RNF130: variants seen among roughly 807,000 people sequenced by gnomAD.
RNF130 encodes E3 ubiquitin-protein ligase RNF130.
A neutral mutation model predicts 44.6 loss-of-function variants in RNF130; 21 were observed. The observed-to-expected ratio is 0.47, with a 90% CI of 0.33 to 0.68. RNF130 has a LOEUF of 0.68. Among genes scored for constraint, RNF130 ranks in the 30% least tolerant of loss-of-function variants. RNF130 has a pLI of 0.02. For missense variants in RNF130, 479 were observed against 560.6 expected (o/e 0.85, Z 1.47); for synonymous variants, 214 against 210.4 (o/e 1.02, Z -0.15).
At chr5:179,933,838 GT>G in intron 7 of RNF130, 2 of 790,594 alleles carry the variant, frequency 2.5e-6, no homozygotes, top group South Asian at 2.7e-5. Context: ...TCCCTCCTGT[GT>G]GTTTTTGTCT....
chr5:180,068,944 T>C (rs1765178066), intron 1 of RNF130, among the ~76,000 whole-genome samples: 1 of 152,196 alleles, frequency 6.6e-6, no homozygotes, highest in Non-Finnish European at 1.5e-5. Flanking sequence ...CAATTCAAAA[T>C]TATAAGAGCA....
intron 7 of RNF130, among the ~76,000 whole-genome samples, chr5:179,945,568 G>C (rs1762025185): frequency 6.6e-6 from 1 of 152,160 alleles, no homozygotes; most frequent in South Asian, 2.1e-4. Flanking sequence ...AGAAAACAGA[G>C]GCTGGGAGAG....
At chr5:179,962,375 G>A (rs1035946171) in intron 8 of RNF130, among the ~76,000 whole-genome samples, 2 of 152,190 alleles carry the variant, frequency 1.3e-5, no homozygotes, top group African/African-American at 4.8e-5. Context: ...GTCAATTACA[G>A]TTTCTATAGC....
At chr5:179,933,807 A>G in intron 7 of RNF130, 1 of 681,250 alleles carries the variant, frequency 1.5e-6, no homozygotes. Flanking sequence ...TTACATCACT[A>G]GATAAAGAAT....
At chr5:180,006,357 T>C (rs918777320) in intron 3 of RNF130, among the ~76,000 whole-genome samples, 15 of 152,224 alleles carry the variant, frequency 9.9e-5, no homozygotes, top group African/African-American at 3.4e-4. Context: ...TGCAAAGTTT[T>C]AACCTTTCTC....
At chr5:179,954,853 C>T (rs1205904354), downstream of RNF130, among the ~76,000 whole-genome samples, 1 of 152,248 alleles carries the variant, frequency 6.6e-6, no homozygotes, top group Non-Finnish European at 1.5e-5. Flanking sequence ...CTGCTGCAAA[C>T]ATTTACAAAT....
chr5:180,031,591 C>G (rs1051782541), intron 2 of RNF130, among the ~76,000 whole-genome samples: 5 of 152,180 alleles, frequency 3.3e-5, no homozygotes, highest in Non-Finnish European at 7.3e-5. Flanking sequence ...CAAGGGCCAA[C>G]TGTAATTGCT....
chr5:180,002,928 A>G (rs936354670), intron 3 of RNF130, among the ~76,000 whole-genome samples: 6 of 151,912 alleles, frequency 3.9e-5, no homozygotes, highest in African/African-American at 1.5e-4. Flanking sequence ...GGTTGTTATT[A>G]TTATTATTAT....
chr5:180,027,133 C>T (rs780675191), intron 2 of RNF130, among the ~76,000 whole-genome samples: 3 of 152,076 alleles, frequency 2.0e-5, no homozygotes, highest in Admixed American at 6.5e-5. Context: ...GCAAAACTGG[C>T]ACAGGAGCAG....
intron 7 of RNF130, among the ~76,000 whole-genome samples, chr5:179,932,156 TC>T (rs1761818947): frequency 3.3e-5 from 5 of 152,232 alleles, no homozygotes; most frequent in Admixed American, 3.3e-4. Flanking sequence ...TATAGGGTGT[TC>T]CTTCAGAAGC....
At chr5:180,006,640 T>C (rs1763468389) in intron 3 of RNF130, among the ~76,000 whole-genome samples, 1 of 152,238 alleles carries the variant, frequency 6.6e-6, no homozygotes, top group Non-Finnish European at 1.5e-5. Flanking sequence ...CAGAATATTT[T>C]ACATCTGCCC....
rs1303512917 is a variant in RNF130 at position 180,071,531 on chromosome 5, G to A, written c.172C>T (p.Arg58Cys). The A allele has an allele frequency of 1.4e-6, 2 of 1,382,922 alleles. No individual in the cohort carries two copies. The highest frequency in any genetic ancestry group is 1.9e-6 in the Non-Finnish European group (2 of 1,059,874). The allele number at this position is 1,382,922 out of a possible 1,614,324, so 85.7% of individuals were successfully genotyped here. ...RGAPLTFRID[R>C]GRYGLDSPKA... ...GGGGAGTCAAGCCCGTAGCGCCCGC[G>A]GTCGATGCGAAACGTGAGCGGGGCG... Residue 58 changes from arginine to cysteine, a missense_variant, in exon 1 of 9, where the codon CGC becomes TGC. By Grantham distance (180) the Arg-to-Cys change is radical (BLOSUM62 -3). Transcript: ENST00000521389.
At position 179,977,613 on chromosome 5, in the gene RNF130, G is replaced by A. The variant is rs1762743250; in HGVS notation, c.848+590C>T. On this transcript the variant is annotated intron_variant, in intron 5 of 8. Transcript: ENST00000521389. This position sits in a 1 kb window ranked among gnomAD's most constrained non-coding sequence, Gnocchi z 4.1. ...CACGCCTGTAATCCCAGGACTTTGG[G>A]AGGCTGAGGCAGGCAGATCACCTGA... Among the ~76,000 whole-genome samples the A allele has an allele frequency of 6.6e-6, 1 of 152,194 alleles. No individual in the cohort carries two copies. The highest frequency in any genetic ancestry group is 2.4e-5 in the African/African-American group (1 of 41,452).
At chr5:180,024,239 A>G (rs1445520133) in intron 2 of RNF130, among the ~76,000 whole-genome samples, 3 of 152,200 alleles carry the variant, frequency 2.0e-5, no homozygotes, top group Non-Finnish European at 4.4e-5. Context: ...GTGGGATCCT[A>G]GAACAGAAAA....
chr5:180,067,246 T>A (rs907365982), intron 1 of RNF130, among the ~76,000 whole-genome samples: 8 of 152,200 alleles, frequency 5.3e-5, no homozygotes, highest in Admixed American at 2.0e-4. Flanking sequence ...GATTTTTTTT[T>A]AACCCAAATC....
intron 1 of RNF130, among the ~76,000 whole-genome samples, chr5:180,048,008 T>TC (rs1377627171): frequency 1.3e-5 from 2 of 151,824 alleles, no homozygotes; most frequent in Non-Finnish European, 2.9e-5. Flanking sequence ...ACACTTTTTT[T>TC]TTTTTTATTG....
intron 7 of RNF130, among the ~76,000 whole-genome samples, chr5:179,937,081 A>T (rs1761899378): frequency 7.4e-6 from 1 of 134,502 alleles, no homozygotes; most frequent in African/African-American, 2.8e-5. Context: ...CAATGAAAAA[A>T]CAGACAAATT....
intron 6 of RNF130, among the ~76,000 whole-genome samples, chr5:179,969,110 A>G (rs908594847): frequency 2.0e-5 from 3 of 152,252 alleles, no homozygotes; most frequent in African/African-American, 7.2e-5. Flanking sequence ...TTTTTGTTCC[A>G]TAAGGAGATC....
rs576952527 is a variant in RNF130, at chr5:179,946,745, G to A, written c.1150+20061C>T. On this transcript the variant is annotated intron_variant, in intron 7 of 7. Coordinates refer to the RNF130 transcript ENST00000522208. ...ATTTTTTTGTATTTTTAGTAGAGACGGGGCTTCACCGTGTTAGCCAGGATG... is the reference window on the plus strand; with the variant it reads ...ATTTTTTTGTATTTTTAGTAGAGACAGGGCTTCACCGTGTTAGCCAGGATG... Among the ~76,000 whole-genome samples the A allele has an allele frequency of 1.5e-4, 23 of 151,994 alleles. No homozygotes were observed. The South Asian group carries it at 3.3e-3, about 22-fold the overall frequency.
Sources: allele counts gnomAD v4.1 joint callset (sites outside exome capture counted in the v4.1 genomes callset), GRCh38; gene constraint gnomAD v4.1.1; non-coding constraint Gnocchi (gnomAD v3.1); transcripts MANE v1.5; gene names NCBI Gene and HGNC (gene_info 2026-07-23, HGNC 2026-07-21).